Variants in RC3H1 observed in about 807,000 individuals in gnomAD.
RC3H1 encodes the protein ring finger and CCCH-type domains 1, also known as roquin-1.
A neutral mutation model predicts 138.2 loss-of-function variants in RC3H1; 50 were observed. That is an observed-to-expected ratio of 0.36 (90% confidence interval 0.29 to 0.46). RC3H1 has a LOEUF of 0.46. Among genes scored for constraint, RC3H1 ranks in the 20% least tolerant of loss-of-function variants. The pLI, the probability that RC3H1 is intolerant of heterozygous loss-of-function variation, is 1.00. For missense variants in RC3H1, 1,031 were observed against 1,388.1 expected, an observed-to-expected ratio of 0.74 and a Z score of 4.09; for synonymous variants, 462 against 489.1, an observed-to-expected ratio of 0.94 and a Z score of 0.73.
intron 7 of RC3H1, among the ~76,000 whole-genome samples, chr1:173,974,212 G>A (rs571185423): frequency 1.1e-3 from 162 of 149,278 alleles, no homozygotes; most frequent in Admixed American, 3.2e-3. Context: ...CCTGGGAGGC[G>A]GAGGTTGCAG....
Position 173,983,516 on chromosome 1 carries a change from G to A in RC3H1, c.494C>T (p.Thr165Ile). ...MRAARSLGER[T>I]VTELILQHQN... is the part of the protein sequence containing the mutation. ...GTGCTGGAGAATGAGCTCTGTAACTGTTCGTTCACCTAAAGATCGAGCTGC... is the reference window on the plus strand; with the variant it reads ...GTGCTGGAGAATGAGCTCTGTAACTATTCGTTCACCTAAAGATCGAGCTGC... Residue 165 changes from threonine to isoleucine, a missense_variant, in exon 4 of 20, where the codon ACA (threonine) becomes ATA (isoleucine). Thr to Ile is a moderately conservative substitution (Grantham distance 89). Coordinates refer to ENST00000367696, the MANE Select transcript of RC3H1 (RefSeq NM_172071.4). The A allele has an allele frequency of 6.2e-7, 1 of 1,614,176 alleles. No homozygotes were observed. The highest frequency in any genetic ancestry group is 8.5e-7 in the Non-Finnish European group (1 of 1,180,026).
chr1:173,995,555 GA>G (rs1287247932), intron 1 of RC3H1, among the ~76,000 whole-genome samples: 2 of 150,262 alleles, frequency 1.3e-5, no homozygotes, highest in African/African-American at 2.4e-5. Context: ...AAAAGAAAAA[GA>G]AAAAAAGAAT....
intron 1 of RC3H1, chr1:174,009,230 T>C (rs916664325): frequency 1.3e-5 from 2 of 152,162 alleles, no homozygotes; most frequent in African/African-American, 2.4e-5. Context: ...AGTCTATTTA[T>C]TGCTTGGTAA....
intron 2 of RC3H1, among the ~76,000 whole-genome samples, chr1:173,989,354 C>T (rs774695371): frequency 2.6e-5 from 4 of 151,020 alleles, no homozygotes; most frequent in Non-Finnish European, 5.9e-5. Context: ...TGCCACCACA[C>T]CCAGCAAAAA....
Position 173,931,720 on chromosome 1 carries a change from A to C in RC3H1, c.*7001T>G, listed in dbSNP as rs1273460145. 1.3e-5 allele frequency: 2 copies of C among 152,216 alleles called. No individual in the cohort carries two copies. Among genetic ancestry groups the C allele is most frequent in the Non-Finnish European group, 1.5e-5 (1 of 68,030 alleles). 9.4% of individuals were successfully genotyped at this position (152,216 alleles called of 1,614,324 possible). On this transcript the variant is annotated 3_prime_UTR_variant, in exon 20 of 20. Coordinates refer to ENST00000367696, the MANE Select transcript of RC3H1 (RefSeq NM_172071.4). ...AGAACTCTCAGGAGATAAGGTCTTC[A>C]AATAAGACTTCACGGTTTGCCAGAT...
chr1:173,973,080 T>C (rs919592887), intron 7 of RC3H1, among the ~76,000 whole-genome samples: 8 of 152,230 alleles, frequency 5.3e-5, no homozygotes, highest in African/African-American at 1.9e-4. Context: ...GATTTTTAAG[T>C]AAAAATTTCC....
intron 8 of RC3H1, among the ~76,000 whole-genome samples, chr1:173,971,022 C>T (rs1010545726): frequency 4.1e-5 from 6 of 146,708 alleles, no homozygotes; most frequent in Admixed American, 2.1e-4. Flanking sequence ...AGGGCAGCGG[C>T]GCAATCTTGG....
chr1:173,988,727 G>A (rs79929092), intron 2 of RC3H1, among the ~76,000 whole-genome samples: 10,849 of 152,156 alleles, frequency 0.071, 1,329 homozygotes, highest in African/African-American at 0.25. Context: ...CTAATGTTTT[G>A]GATTTTGGCC....
At position 173,975,625 on chromosome 1, in the gene RC3H1, G is replaced by A. The variant is rs186279742; in HGVS notation, c.1102+2863C>T. ...AAAAATACAGTAAATTTGGCCGGGC[G>A]CGGTGGCTCACGCCTGTAATCCCAG... On this transcript the variant is annotated intron_variant, in intron 7 of 19. Coordinates refer to ENST00000367696, the MANE Select transcript of RC3H1 (RefSeq NM_172071.4). Among the ~76,000 whole-genome samples the A allele has an allele frequency of 4.9e-4, 30 of 61,174 alleles. 7 individuals carry two copies. The highest frequency in any genetic ancestry group is 2.4e-3 in the Admixed American group (20 of 8,260). 40.1% of individuals were successfully genotyped at this position (61,174 alleles called of 152,430 possible).
intron 2 of RC3H1, among the ~76,000 whole-genome samples, chr1:173,992,326 T>C (rs1284774252): frequency 2.6e-5 from 4 of 151,930 alleles, no homozygotes; most frequent in African/African-American, 7.3e-5. Flanking sequence ...TTTGTATTTG[T>C]AGTAGAGACA....
At chr1:173,986,828 C>T (rs532985366) in intron 2 of RC3H1, among the ~76,000 whole-genome samples, 16 of 152,240 alleles carry the variant, frequency 1.1e-4, no homozygotes, top group Admixed American at 5.2e-4. Flanking sequence ...CCTCTCAAAG[C>T]GCTGGGATTA....
intron 1 of RC3H1, among the ~76,000 whole-genome samples, chr1:173,996,634 T>C (rs894336740): frequency 7.9e-5 from 12 of 152,198 alleles, no homozygotes; most frequent in African/African-American, 2.9e-4. Flanking sequence ...GTCTCCATCC[T>C]GGGAGAAGCT....
At chr1:173,973,339 C>A (rs1660443858) in intron 7 of RC3H1, among the ~76,000 whole-genome samples, 2 of 152,080 alleles carry the variant, frequency 1.3e-5, no homozygotes, top group South Asian at 4.1e-4. Context: ...AGATGGAGAC[C>A]ATCCTGGCCA....
At chr1:173,956,176 CTG>C (rs892848787) in intron 13 of RC3H1, among the ~76,000 whole-genome samples, 24 of 150,400 alleles carry the variant, frequency 1.6e-4, no homozygotes, top group African/African-American at 5.4e-4. Context: ...ATTTGGATGA[CTG>C]TTCTGAATGA....
At chr1:173,963,366 TTCAG>T (rs1659961276) in intron 11 of RC3H1, among the ~76,000 whole-genome samples, 1 of 152,304 alleles carries the variant, frequency 6.6e-6, no homozygotes, top group East Asian at 1.9e-4. Flanking sequence ...CCTTGAGTCT[TTCAG>T]TCAATCTCTA....
Position 174,022,216 on chromosome 1 carries a change from G to A in RC3H1, c.-271C>T, listed in dbSNP as rs1661985574. 2.5e-6 allele frequency: 1 copy of A among 393,682 alleles called. No homozygotes were observed. The highest frequency in any genetic ancestry group is 4.5e-6 in the Non-Finnish European group (1 of 223,288). The allele number at this position is 393,682 out of a possible 1,614,324, so 24.4% of individuals were successfully genotyped here. A position where few individuals can be genotyped will look rare whatever the true frequency, so the allele number is the denominator to read the frequency against. Reference sequence around the variant, plus strand: ...CTCTGATTCTGTCCCAGGCCGCCGGGCCACGGCTGCCGCCGCCACCGCCAG... The same window carrying A: ...CTCTGATTCTGTCCCAGGCCGCCGGACCACGGCTGCCGCCGCCACCGCCAG... On this transcript the variant is annotated 5_prime_UTR_variant, in exon 1 of 20. Coordinates refer to ENST00000367696, the MANE Select transcript of RC3H1 (RefSeq NM_172071.4). This position sits in a 1 kb window ranked among gnomAD's most constrained non-coding sequence, Gnocchi z 4.2.
intron 1 of RC3H1, among the ~76,000 whole-genome samples, chr1:174,021,185 C>T (rs181986024): frequency 6.6e-5 from 10 of 152,268 alleles, no homozygotes; most frequent in Admixed American, 5.9e-4. Flanking sequence ...GTTAATGTTG[C>T]TTCTTATACT....
chr1:173,966,476 G>A (rs973878806), intron 9 of RC3H1, among the ~76,000 whole-genome samples: 14 of 152,146 alleles, frequency 9.2e-5, no homozygotes, highest in African/African-American at 3.4e-4. Flanking sequence ...AGCACTTTGG[G>A]AGGCCGAGGC....
intron 8 of RC3H1, 93 bp downstream of exon 8, chr1:173,972,416 C>T (rs1349566184): frequency 5.2e-6 from 4 of 765,188 alleles, no homozygotes; most frequent in Admixed American, 2.2e-5. Context: ...ATCTTTTTGG[C>T]TTTGTATCTG....
Sources: allele counts gnomAD v4.1 joint callset (sites outside exome capture counted in the v4.1 genomes callset), GRCh38; gene constraint gnomAD v4.1.1; non-coding constraint Gnocchi (gnomAD v3.1); transcripts MANE v1.5; gene names NCBI Gene and HGNC (gene_info 2026-07-23, HGNC 2026-07-21).